ADAMTS4: variants seen among roughly 807,000 people sequenced by gnomAD.
The protein encoded by ADAMTS4 is ADAM metallopeptidase with thrombospondin type 1 motif 4.
ADAMTS4 carries 38 observed loss-of-function variants against 66.7 expected under a neutral mutation model. That is an observed-to-expected ratio of 0.57 (90% CI 0.44 to 0.75). The LOEUF (loss-of-function observed/expected upper bound fraction) is 0.75. Among genes scored for constraint, ADAMTS4 ranks in the 30% least tolerant of loss-of-function variants. The probability of loss-of-function intolerance (pLI) is 0.00; values close to 1 mark genes in which losing one functional copy is unlikely to be tolerated. For synonymous variants in ADAMTS4, 418 were observed against 461.5 expected, an observed-to-expected ratio of 0.91 and a Z score of 1.21; for missense variants, 1,014 against 1,116.7, an observed-to-expected ratio of 0.91 and a Z score of 1.31.
chr1:161,196,525 T>C (rs368860213), intron 2 of ADAMTS4, 32 bp downstream of exon 2: 26 of 1,606,514 alleles, frequency 1.6e-5, no homozygotes, highest in Non-Finnish European at 1.8e-5. Context: ...AATTGTGCAG[T>C]GCATGGCCTG....
chr1:161,192,291 G>A (rs1023897904), intron 7 of ADAMTS4, 51 bp from the exon 8 acceptor site: 8 of 1,568,368 alleles, frequency 5.1e-6, no homozygotes, highest in Non-Finnish European at 7.0e-6. Context: ...AGTCAAAAGG[G>A]GTTGGTAAAT....
At chr1:161,197,792 C>T (rs1418626970) in intron 1 of ADAMTS4, among the ~76,000 whole-genome samples, 1 of 151,910 alleles carries the variant, frequency 6.6e-6, no homozygotes, top group East Asian at 1.9e-4. Flanking sequence ...TGAGAACCCT[C>T]GGTGGGTCTG....
chr1:161,197,022 T>C, intron 1 of ADAMTS4, 142 bp from the exon 2 acceptor site: 4 of 780,612 alleles, frequency 5.1e-6, no homozygotes, highest in Non-Finnish European at 8.1e-6. Context: ...TCCTGACTCC[T>C]GGCGGGTCTT....
Position 161,184,812 on chromosome 1 carries a change from A to G in ADAMTS4, c.*6326T>C, listed in dbSNP as rs1163988238. 6.6e-6 allele frequency: 1 copy of G among 152,110 alleles called. No individual in the cohort carries two copies. The highest frequency in any genetic ancestry group is 1.5e-5 in the Non-Finnish European group (1 of 68,038). The allele number at this position is 152,110 out of a possible 1,614,324, so 9.4% of individuals were successfully genotyped here. A position where few individuals can be genotyped will look rare whatever the true frequency, so the allele number is the denominator to read the frequency against. On this transcript the variant is annotated 3_prime_UTR_variant, in exon 9 of 9. Coordinates refer to ENST00000367996, the MANE Select transcript of ADAMTS4 (RefSeq NM_005099.6). ...GGCAGGCAGATCACTTGAGCCCGGG[A>G]GTTCAAGACCAGCCTGGGCAACATG...
rs750952231 is a variant in ADAMTS4, at chr1:161,192,080, G to A, written c.2072C>T (p.Ser691Phe). ...GTGAAAGAACCTGAATTTCCTGAAGGAGCCTGACTGCTTGCTGCAACCAGA... is the reference window on the plus strand; with the variant it reads ...GTGAAAGAACCTGAATTTCCTGAAGAAGCCTGACTGCTTGCTGCAACCAGA... ...DGSGCSKQSG[S>F]FRKFRYGYNN... Residue 691 changes from serine (S) to phenylalanine (F), a missense_variant, in exon 8 of 9, where the codon TCC becomes TTC. Ser to Phe is a radical substitution (Grantham distance 155). Transcript: ENST00000367996. 1.9e-6 allele frequency: 3 copies of A among 1,613,824 alleles called. No homozygotes were observed. The highest frequency in any genetic ancestry group is 2.7e-5 in the African/African-American group (2 of 74,894).
Position 161,193,557 on chromosome 1 carries a change from AC to A in ADAMTS4, c.1735+82del. ...TCCCCACAGCAGCAGGGGAATCAACACCCCCTTGGTCTTGCACTCAAGGGAC... is the reference window on the plus strand; with the variant it reads ...TCCCCACAGCAGCAGGGGAATCAACACCCCTTGGTCTTGCACTCAAGGGAC... On this transcript the variant is annotated intron_variant, in intron 6 of 8. Coordinates refer to ENST00000367996, the MANE Select transcript of ADAMTS4 (RefSeq NM_005099.6). The surrounding 1 kb of genome is among the most constrained non-coding windows in gnomAD (Gnocchi z 4.4). 5 of 1,524,834 alleles carry A rather than the reference AC, an allele frequency of 3.3e-6. No individual in the cohort carries two copies. The highest frequency in any genetic ancestry group is 2.3e-5 in the East Asian group (1 of 44,190). 94.5% of individuals were successfully genotyped at this position (1,524,834 alleles called of 1,614,324 possible).
In ADAMTS4 at chr1:161,198,670, C is replaced by A; in HGVS notation, c.-43G>T. On this transcript the variant is annotated 5_prime_UTR_variant, in exon 1 of 9. Transcript: ENST00000367996. The surrounding 1 kb of genome is among the most constrained non-coding windows in gnomAD (Gnocchi z 4.7). ...TGGGAGGGACTGAGGCCGTCTAGGG[C>A]ACCAAGTCCTCCACACCCTAGCTTT... 6.9e-7 allele frequency: 1 copy of A among 1,443,594 alleles called. No individual in the cohort carries two copies. Among genetic ancestry groups the A allele is most frequent in the South Asian group, 1.5e-5 (1 of 68,930 alleles). 89.4% of individuals were successfully genotyped at this position (1,443,594 alleles called of 1,614,324 possible).
chr1:161,186,539 C>T lies in ADAMTS4; in HGVS notation c.*4599G>A, dbSNP rs1174180439. ...CCCTACTTGGTGAGCGAAGGGCTTT[C>T]TCTTAAAATAACAGGCAGAAAAGTG... On this transcript the variant is annotated 3_prime_UTR_variant, in exon 9 of 9. Coordinates refer to ENST00000367996, the MANE Select transcript of ADAMTS4 (RefSeq NM_005099.6). The T allele has an allele frequency of 1.3e-5, 2 of 151,398 alleles. No individual in the cohort carries two copies. The highest frequency in any genetic ancestry group is 4.8e-5 in the African/African-American group (2 of 41,400). 9.4% of individuals were successfully genotyped at this position (151,398 alleles called of 1,614,324 possible). A position where few individuals can be genotyped will look rare whatever the true frequency, so the allele number is the denominator to read the frequency against.
At chr1:161,195,934 G>GACACACACACACACACACAC in intron 3 of ADAMTS4, 1 of 416,448 alleles carries the variant, frequency 2.4e-6, no homozygotes, top group Admixed American at 4.3e-5. Context: ...CACACACACA[G>GACACACACACACACACACAC]ACACACACAC....
In ADAMTS4 at chr1:161,189,826, T is replaced by C. The variant is rs1257183188; in HGVS notation, c.*1312A>G. 1 of 152,216 alleles carries C rather than the reference T, an allele frequency of 6.6e-6. No homozygotes were observed. Among genetic ancestry groups the C allele is most frequent in the Non-Finnish European group, 1.5e-5 (1 of 68,050 alleles). The allele number at this position is 152,216 out of a possible 1,614,324, so 9.4% of individuals were successfully genotyped here. On this transcript the variant is annotated 3_prime_UTR_variant, in exon 9 of 9. Transcript: ENST00000367996. ...TAAGGGAGGTATTATTATTGGCAAA[T>C]GAGAAATCTAATGCTCAGAGACATG...
Position 161,190,765 on chromosome 1 carries a change from T to C in ADAMTS4, c.*373A>G. ...GGTGAGGGCTATGAGGGGTCAGGGG[T>C]CAGGTTCCCCAGGACCCTAGTCCTT... On this transcript the variant is annotated 3_prime_UTR_variant, in exon 9 of 9. Coordinates refer to ENST00000367996, the MANE Select transcript of ADAMTS4 (RefSeq NM_005099.6). 5.3e-6 allele frequency: 1 copy of C among 188,784 alleles called. No individual in the cohort carries two copies. The allele number at this position is 188,784 out of a possible 1,614,324, so 11.7% of individuals were successfully genotyped here. A position where few individuals can be genotyped will look rare whatever the true frequency, so the allele number is the denominator to read the frequency against.
In ADAMTS4 at chr1:161,185,050, G is replaced by A. The variant is rs367665088; in HGVS notation, c.*6088C>T. ...AAAAAAAGAAGAAAAAGAAAGGCAGGGGGGGAGGGGGGAGGGATAGCATTA... is the reference window on the plus strand; with the variant it reads ...AAAAAAAGAAGAAAAAGAAAGGCAGAGGGGGAGGGGGGAGGGATAGCATTA... On this transcript the variant is annotated 3_prime_UTR_variant, in exon 9 of 9. Transcript: ENST00000367996. 1 of 139,930 alleles carries A rather than the reference G, an allele frequency of 7.1e-6. No homozygotes were observed. The highest frequency in any genetic ancestry group is 2.7e-5 in the African/African-American group (1 of 37,400). 8.7% of individuals were successfully genotyped at this position (139,930 alleles called of 1,614,324 possible). A position where few individuals can be genotyped will look rare whatever the true frequency, so the allele number is the denominator to read the frequency against.
Position 161,192,074 on chromosome 1 carries a change from C to T in ADAMTS4, c.2078G>A (p.Arg693Lys). The change falls in exon 8 of 9, where the codon AGG becomes AAG. Residue 693 changes from arginine (R) to lysine (K), a missense_variant. Arg to Lys is a conservative substitution (Grantham distance 26). Transcript: ENST00000367996. Reference sequence around the variant, plus strand: ...ATGATGGTGAAAGAACCTGAATTTCCTGAAGGAGCCTGACTGCTTGCTGCA... The same window carrying T: ...ATGATGGTGAAAGAACCTGAATTTCTTGAAGGAGCCTGACTGCTTGCTGCA... ...SGCSKQSGSF[R>K]KFRYGYNNVV... The T allele has an allele frequency of 6.2e-7, 1 of 1,613,812 alleles. No individual in the cohort carries two copies. Among genetic ancestry groups the T allele is most frequent in the Non-Finnish European group, 8.5e-7 (1 of 1,179,882 alleles).
chr1:161,191,074 T>C lies in ADAMTS4; in HGVS notation c.*64A>G. 2.0e-6 allele frequency: 3 copies of C among 1,486,610 alleles called. No individual in the cohort carries two copies. The highest frequency in any genetic ancestry group is 2.7e-6 in the Non-Finnish European group (3 of 1,116,864). The allele number at this position is 1,486,610 out of a possible 1,614,324, so 92.1% of individuals were successfully genotyped here. ...CTTAGCATGAGGCAGCAACAGAAGC[T>C]CTCTCTTTCTCCCAGCTAAGTCCGA... On this transcript the variant is annotated 3_prime_UTR_variant, in exon 9 of 9. Coordinates refer to ENST00000367996, the MANE Select transcript of ADAMTS4 (RefSeq NM_005099.6).
chr1:161,195,378 G>T, intron 4 of ADAMTS4, 87 bp downstream of exon 4: 1 of 1,401,206 alleles, frequency 7.1e-7, no homozygotes, highest in Non-Finnish European at 9.6e-7. Flanking sequence ...AGGCAATTTG[G>T]TCCATGCAGA....
chr1:161,196,381 G>C, intron 2 of ADAMTS4, 78 bp from the exon 3 acceptor site: 2 of 1,539,406 alleles, frequency 1.3e-6, no homozygotes, highest in Non-Finnish European at 1.8e-6. Flanking sequence ...GATTCCCGGG[G>C]ACCTGGGCAC....
chr1:161,197,026 G>T lies in ADAMTS4; in HGVS notation c.634-146C>A, dbSNP rs909791253. The T allele has an allele frequency of 3.2e-5, 25 of 776,374 alleles. 1 individual carries two copies. In the South Asian group the frequency reaches 4.1e-4, roughly 13 times the overall value. 48.1% of individuals were successfully genotyped at this position (776,374 alleles called of 1,614,324 possible). A position where few individuals can be genotyped will look rare whatever the true frequency, so the allele number is the denominator to read the frequency against. On this transcript the variant is annotated intron_variant, in intron 1 of 8. Coordinates refer to ENST00000367996, the MANE Select transcript of ADAMTS4 (RefSeq NM_005099.6). ...CCCCACGGGATTCCTGACTCCTGGC[G>T]GGTCTTGGTTGGGCCCTTCCCCCAA...
At position 161,193,896 on chromosome 1, in the gene ADAMTS4, C is replaced by G. The variant is rs772926627; in HGVS notation, c.1548+39G>C. 1.9e-6 allele frequency: 3 copies of G among 1,562,734 alleles called. 1 individual carries two copies. The highest frequency in any genetic ancestry group is 2.4e-5 in the South Asian group (2 of 82,522). On this transcript the variant is annotated intron_variant, in intron 5 of 8. Coordinates refer to ENST00000367996, the MANE Select transcript of ADAMTS4 (RefSeq NM_005099.6). This position sits in a 1 kb window ranked among gnomAD's most constrained non-coding sequence, Gnocchi z 4.4. ...CTGGGCTTAAGGCCAGTCCCCACAC[C>G]CCCGGGCCCTTTACCCCACCCCTGC...
In ADAMTS4 at chr1:161,193,124, C is replaced by T. The variant is rs952979821; in HGVS notation, c.1911+89G>A. On this transcript the variant is annotated intron_variant, in intron 7 of 8. Transcript: ENST00000367996. This position sits in a 1 kb window ranked among gnomAD's most constrained non-coding sequence, Gnocchi z 4.4. ...TGGCGTGGCTGTAGGAACAGGGTTA[C>T]TTTGGGTGATCTTTGTTATCAGAAA... The T allele has an allele frequency of 6.3e-6, 9 of 1,427,186 alleles. No homozygotes were observed. The African/African-American group carries it at 9.9e-5, about 16-fold the overall frequency. 88.4% of individuals were successfully genotyped at this position (1,427,186 alleles called of 1,614,324 possible).
Sources: gnomAD v4.1 joint callset for allele counts (sites outside exome capture counted in the v4.1 genomes callset) on GRCh38, gnomAD v4.1.1 for gene constraint, Gnocchi (gnomAD v3.1) non-coding constraint, MANE v1.5 for transcripts, NCBI Gene and HGNC (gene_info 2026-07-23, HGNC 2026-07-21) for gene names.